Variants in ZNF385B observed in about 807,000 individuals in gnomAD.
The protein encoded by ZNF385B is zinc finger protein 385B, also known as zinc finger protein 533.
A neutral mutation model predicts 39.2 loss-of-function variants in ZNF385B; 23 were observed. The observed-to-expected ratio is 0.59, with a 90% CI of 0.42 to 0.83. The LOEUF (loss-of-function observed/expected upper bound fraction) is 0.83, where lower values mean the gene tolerates loss of function less well. Ranked by LOEUF, ZNF385B falls within the 40% of genes least tolerant of loss-of-function variation. ZNF385B has a pLI of 0.00. For synonymous variants in ZNF385B, 205 were observed against 222.6 expected, an observed-to-expected ratio of 0.92 and a Z score of 0.70; for missense variants, 552 against 598.9, an observed-to-expected ratio of 0.92 and a Z score of 0.82.
chr2:179,466,604 G>T (rs949819336), intron 6 of ZNF385B, among the ~76,000 whole-genome samples: 1 of 152,188 alleles, frequency 6.6e-6, no homozygotes, highest in South Asian at 2.1e-4. Flanking sequence ...TTACATGGTT[G>T]ATATACTTGT....
chr2:179,816,479 A>G (rs1179248184), intron 1 of ZNF385B, among the ~76,000 whole-genome samples: 1 of 152,178 alleles, frequency 6.6e-6, no homozygotes, highest in Non-Finnish European at 1.5e-5. Flanking sequence ...CAAGTCTCTA[A>G]TGACTTCGTA....
chr2:179,606,945 T>C (rs1182348347), intron 3 of ZNF385B, among the ~76,000 whole-genome samples: 1 of 152,086 alleles, frequency 6.6e-6, no homozygotes, highest in Non-Finnish European at 1.5e-5. Flanking sequence ...GTGCTATGTA[T>C]CTCCTGGGTC....
intron 3 of ZNF385B, among the ~76,000 whole-genome samples, chr2:179,760,223 CGTGT>C (rs1553525685): frequency 3.9e-3 from 569 of 144,498 alleles, no homozygotes; most frequent in African/African-American, 0.013. Context: ...TTCCTGTGTG[CGTGT>C]GTGTGTGTGT....
At position 179,675,474 on chromosome 2, in the gene ZNF385B, T is replaced by C. The variant is rs547106889; in HGVS notation, c.298+94029A>G. On this transcript the variant is annotated intron_variant, in intron 3 of 9. Transcript: ENST00000410066. ...TTTTGATAAAGTAGTTTTCGGATAA[T>C]TGACTCTAATCCAATTGACCTAGAA... is the stretch of plus-strand genomic sequence containing the variant. 9.8e-5 allele frequency among the ~76,000 whole-genome samples: 15 copies of C among 152,356 alleles called. No individual in the cohort carries two copies. The South Asian group carries it at 1.2e-3, about 13-fold the overall frequency.
chr2:179,676,841 C>A (rs1696899318), intron 3 of ZNF385B, among the ~76,000 whole-genome samples: 1 of 152,034 alleles, frequency 6.6e-6, no homozygotes, highest in South Asian at 2.1e-4. Context: ...GAGTAGAGGC[C>A]AAGGATGCTG....
chr2:179,785,137 A>G (rs1015299123), intron 1 of ZNF385B, among the ~76,000 whole-genome samples: 4 of 152,110 alleles, frequency 2.6e-5, no homozygotes, highest in African/African-American at 7.2e-5. Context: ...AATTTCATCT[A>G]TTTACATAAA....
chr2:179,833,937 T>G (rs1708113039), intron 1 of ZNF385B, among the ~76,000 whole-genome samples: 1 of 152,138 alleles, frequency 6.6e-6, no homozygotes, highest in Admixed American at 6.5e-5. Context: ...GAGTTTGTTG[T>G]TGGTATTGAT....
chr2:179,713,232 T>C lies in ZNF385B; in HGVS notation c.298+56271A>G, dbSNP rs576716720. On this transcript the variant is annotated intron_variant, in intron 3 of 9. Transcript: ENST00000410066. ...CAACCTCATCCTAAATCAAGGAACA[T>C]TTATATTTTCAAGAGTGGAAAATAG... Among the ~76,000 whole-genome samples, 10 of 152,334 alleles carry C rather than the reference T, an allele frequency of 6.6e-5. No homozygotes were observed. In the East Asian group the frequency reaches 1.9e-3, roughly 29 times the overall value.
At chr2:179,469,381 G>A (rs2052484444) in intron 6 of ZNF385B, among the ~76,000 whole-genome samples, 1 of 152,202 alleles carries the variant, frequency 6.6e-6, no homozygotes, top group African/African-American at 2.4e-5. Context: ...TGGGCTGCAT[G>A]TGGCCTGTGG....
chr2:179,445,088 G>A, intron 8 of ZNF385B, 111 bp from the exon 9 acceptor site: 5 of 864,004 alleles, frequency 5.8e-6, no homozygotes, highest in South Asian at 1.4e-5. Context: ...ATAGTTCCAC[G>A]ATGGTGTGGG....
At chr2:179,506,523 A>G (rs995058707) in intron 5 of ZNF385B, among the ~76,000 whole-genome samples, 1 of 152,164 alleles carries the variant, frequency 6.6e-6, no homozygotes, top group African/African-American at 2.4e-5. Context: ...TCTATATTGT[A>G]TAATTTTGAT....
At chr2:179,621,019 A>C (rs1690164662) in intron 3 of ZNF385B, among the ~76,000 whole-genome samples, 2 of 152,174 alleles carry the variant, frequency 1.3e-5, no homozygotes. Context: ...TGCTGAATTG[A>C]AAGAGTCTAT....
At chr2:179,653,887 A>G (rs865995770) in intron 3 of ZNF385B, among the ~76,000 whole-genome samples, 27 of 152,236 alleles carry the variant, frequency 1.8e-4, no homozygotes, top group African/African-American at 6.5e-4. Flanking sequence ...TTCTAAAGGA[A>G]TGAAAAATAG....
At position 179,738,536 on chromosome 2, in the gene ZNF385B, A is replaced by G. The variant is rs182980567; in HGVS notation, c.298+30967T>C. On this transcript the variant is annotated intron_variant, in intron 3 of 9. Coordinates refer to ENST00000410066, the MANE Select transcript of ZNF385B (RefSeq NM_152520.6). ...GACTCATATGATGAGTTTACATTTT[A>G]TCAATATTCCTACATCGTTTTTCAC... Among the ~76,000 whole-genome samples the G allele has an allele frequency of 2.5e-3, 380 of 152,326 alleles. 1 individual carries two copies. Among genetic ancestry groups the G allele is most frequent in the Non-Finnish European group, 3.9e-3 (265 of 68,030 alleles).
At chr2:179,474,481 A>C (rs532453017) in intron 6 of ZNF385B, among the ~76,000 whole-genome samples, 1 of 152,178 alleles carries the variant, frequency 6.6e-6, no homozygotes, top group Non-Finnish European at 1.5e-5. Context: ...AATACTTTCT[A>C]TCTGAATAAC....
chr2:179,657,737 A>T (rs1693958622), intron 3 of ZNF385B, among the ~76,000 whole-genome samples: 1 of 152,236 alleles, frequency 6.6e-6, no homozygotes, highest in Non-Finnish European at 1.5e-5. Context: ...ATTTAGTAAG[A>T]CAACAATAAT....
intron 3 of ZNF385B, among the ~76,000 whole-genome samples, chr2:179,649,526 T>C (rs1693024724): frequency 6.6e-6 from 1 of 152,178 alleles, no homozygotes; most frequent in South Asian, 2.1e-4. Context: ...TTTGAGATCG[T>C]TTCAAAATTT....
chr2:179,827,980 T>C (rs1406856598), intron 1 of ZNF385B, among the ~76,000 whole-genome samples: 1 of 152,222 alleles, frequency 6.6e-6, no homozygotes. Context: ...TATTCTTTTG[T>C]GAGTTTTGTC....
chr2:179,526,986 T>A (rs2058948209), intron 4 of ZNF385B, among the ~76,000 whole-genome samples: 1 of 152,216 alleles, frequency 6.6e-6, no homozygotes, highest in African/African-American at 2.4e-5. Flanking sequence ...AGAACTGTTA[T>A]AAAGGCAATA....
Sources: gnomAD v4.1 joint callset for allele counts (sites outside exome capture counted in the v4.1 genomes callset) on GRCh38, gnomAD v4.1.1 for gene constraint, MANE v1.5 for transcripts, NCBI Gene and HGNC (gene_info 2026-07-23, HGNC 2026-07-21) for gene names.